Variants in SLC9A9 observed in about 807,000 individuals in gnomAD.
SLC9A9 encodes the protein sodium/hydrogen exchanger 9.
Under a neutral mutation model 77.8 loss-of-function variants are expected in SLC9A9, and 62 were observed. The ratio of observed to expected loss-of-function variants is 0.80; its 90% confidence interval spans 0.65 to 0.98. SLC9A9 has a LOEUF of 0.98. Ranked by LOEUF, SLC9A9 falls within the 50% of genes least tolerant of loss-of-function variation. SLC9A9 has a pLI of 0.00. For missense variants in SLC9A9, 775 were observed against 774.9 expected (o/e 1.00, Z 0.00); for synonymous variants, 320 against 283.5 (o/e 1.13, Z -1.29).
chr3:143,593,338 A>T (rs1268250381), intron 6 of SLC9A9, among the ~76,000 whole-genome samples: 1 of 152,194 alleles, frequency 6.6e-6, no homozygotes, highest in African/African-American at 2.4e-5. Context: ...TTGTATTACC[A>T]TTCTCACCAT....
At chr3:143,805,116 T>C (rs2008675415) in intron 2 of SLC9A9, among the ~76,000 whole-genome samples, 1 of 152,226 alleles carries the variant, frequency 6.6e-6, no homozygotes, top group Non-Finnish European at 1.5e-5. Context: ...ACTCTCTAAT[T>C]GGATGTCCTG....
At chr3:143,434,021 G>A (rs2034575452) in intron 12 of SLC9A9, among the ~76,000 whole-genome samples, 1 of 152,130 alleles carries the variant, frequency 6.6e-6, no homozygotes, top group Non-Finnish European at 1.5e-5. Context: ...TCATCTCTCT[G>A]GGTCTCAGTG....
intron 13 of SLC9A9, among the ~76,000 whole-genome samples, chr3:143,379,091 A>G (rs2033243767): frequency 6.6e-6 from 1 of 152,036 alleles, no homozygotes. Flanking sequence ...AGTAACAGCT[A>G]TAACTACCTG....
intron 12 of SLC9A9, among the ~76,000 whole-genome samples, chr3:143,420,588 C>T (rs201357379): frequency 2.2e-5 from 3 of 135,988 alleles, no homozygotes; most frequent in Admixed American, 2.2e-4. Flanking sequence ...TTAACCTATA[C>T]AATTACAGTT....
chr3:143,456,590 A>T (rs1371585279), intron 12 of SLC9A9, among the ~76,000 whole-genome samples: 4 of 148,990 alleles, frequency 2.7e-5, no homozygotes, highest in Admixed American at 2.7e-4. Flanking sequence ...TTTGAGATAG[A>T]GTCTCACTCT....
intron 2 of SLC9A9, among the ~76,000 whole-genome samples, chr3:143,804,754 G>A (rs538382302): frequency 2.0e-5 from 3 of 152,186 alleles, no homozygotes; most frequent in African/African-American, 4.8e-5. Context: ...CTTGCTGGTC[G>A]GTTTAGGACT....
intron 6 of SLC9A9, among the ~76,000 whole-genome samples, chr3:143,598,652 G>A (rs975249817): frequency 1.9e-4 from 29 of 152,222 alleles, no homozygotes; most frequent in African/African-American, 6.3e-4. Flanking sequence ...TGCTGATGGG[G>A]CTCAGTACTT....
At chr3:143,540,295 GAAT>G (rs989353006) in intron 9 of SLC9A9, among the ~76,000 whole-genome samples, 1 of 152,186 alleles carries the variant, frequency 6.6e-6, no homozygotes, top group African/African-American at 2.4e-5. Context: ...AGGCAAAACA[GAAT>G]AATATCTGTC....
chr3:143,459,385 T>C lies in SLC9A9; in HGVS notation c.1469+7652A>G, dbSNP rs142397910. ...AATGTTAAGTGACATAGGATTTTCC[T>C]GGGGAGAATGTTGAGATTTTGTTTT... On this transcript the variant is annotated intron_variant, in intron 12 of 15. Coordinates refer to ENST00000316549, the MANE Select transcript of SLC9A9 (RefSeq NM_173653.4). Among the ~76,000 whole-genome samples, 237 of 152,298 alleles carry C rather than the reference T, an allele frequency of 1.6e-3. 1 individual carries two copies. Among genetic ancestry groups the C allele is most frequent in the African/African-American group, 5.7e-3 (235 of 41,576 alleles).
intron 1 of SLC9A9, among the ~76,000 whole-genome samples, chr3:143,844,533 G>A (rs1280721701): frequency 6.6e-6 from 1 of 152,144 alleles, no homozygotes. Context: ...ACAGTACTCG[G>A]TGGAGTAGGG....
chr3:143,549,591 T>C (rs1405697587), intron 9 of SLC9A9, among the ~76,000 whole-genome samples: 8 of 152,200 alleles, frequency 5.3e-5, no homozygotes, highest in Non-Finnish European at 1.0e-4. Flanking sequence ...AACATTCTCC[T>C]TCCTTAAAAG....
intron 6 of SLC9A9, among the ~76,000 whole-genome samples, chr3:143,590,126 T>C (rs1003063529): frequency 2.0e-5 from 3 of 152,210 alleles, no homozygotes; most frequent in African/African-American, 7.2e-5. Context: ...CAACACCAAC[T>C]TAGGTTTGCC....
intron 14 of SLC9A9, among the ~76,000 whole-genome samples, chr3:143,289,768 C>T (rs1231700724): frequency 6.6e-6 from 1 of 152,190 alleles, no homozygotes; most frequent in African/African-American, 2.4e-5. Context: ...TCTCACTGGT[C>T]TAGGGGCTCT....
At chr3:143,741,075 T>C (rs1219621323) in intron 4 of SLC9A9, among the ~76,000 whole-genome samples, 3 of 152,200 alleles carry the variant, frequency 2.0e-5, no homozygotes, top group Non-Finnish European at 4.4e-5. Context: ...TGCACATTAG[T>C]ATACACACAT....
At chr3:143,818,064 C>T (rs2009067685) in intron 2 of SLC9A9, among the ~76,000 whole-genome samples, 1 of 152,002 alleles carries the variant, frequency 6.6e-6, no homozygotes, top group Admixed American at 6.6e-5. Context: ...TGGAAATTTA[C>T]CAAAATTTAT....
intron 2 of SLC9A9, among the ~76,000 whole-genome samples, chr3:143,812,779 A>C (rs2008902809): frequency 6.6e-6 from 1 of 152,166 alleles, no homozygotes; most frequent in South Asian, 2.1e-4. Flanking sequence ...AGATTAAAGG[A>C]AGTCAGAGCC....
At chr3:143,394,340 A>G (rs1168253373) in intron 12 of SLC9A9, among the ~76,000 whole-genome samples, 2 of 152,248 alleles carry the variant, frequency 1.3e-5, no homozygotes, top group Non-Finnish European at 2.9e-5. Flanking sequence ...AAACAGAACC[A>G]AAGACAAAAA....
At chr3:143,844,327 CTCAGGTACATTGATAAAAT>C in intron 1 of SLC9A9, among the ~76,000 whole-genome samples, 1 of 139,270 alleles carries the variant, frequency 7.2e-6, no homozygotes, top group East Asian at 2.2e-4. Flanking sequence ...AAATTGGACT[CTCAGGTACATTGATAAAAT>C]AGACTCAACA....
At chr3:143,687,624 T>C (rs1933313598) in intron 5 of SLC9A9, among the ~76,000 whole-genome samples, 1 of 152,136 alleles carries the variant, frequency 6.6e-6, no homozygotes, top group African/African-American at 2.4e-5. Flanking sequence ...TAAAAGATTG[T>C]TTTAAAATAA....
Sources: allele counts gnomAD v4.1 joint callset (sites outside exome capture counted in the v4.1 genomes callset), GRCh38; gene constraint gnomAD v4.1.1; transcripts MANE v1.5; gene names NCBI Gene and HGNC (gene_info 2026-07-23, HGNC 2026-07-21).